Variants in PARD3B observed in about 807,000 individuals in gnomAD.
PARD3B encodes the protein partitioning defective 3 homolog B.
PARD3B carries 103 observed loss-of-function variants against 130.2 expected under a neutral mutation model. The ratio of observed to expected loss-of-function variants is 0.79; its 90% CI spans 0.67 to 0.93. The LOEUF is 0.93. Among genes scored for constraint, PARD3B ranks in the 40% least tolerant of loss-of-function variants. The probability of loss-of-function intolerance (pLI) is 0.00; values close to 1 mark genes in which losing one functional copy is unlikely to be tolerated. For missense variants in PARD3B, 1,609 were observed against 1,499.2 expected (o/e 1.07, Z -1.21); for synonymous variants, 583 against 553.2 (o/e 1.05, Z -0.76).
Position 205,535,277 on chromosome 2 carries a change from G to C in PARD3B, c.3181-18047G>C, listed in dbSNP as rs143776079. On this transcript the variant is annotated intron_variant, in intron 21 of 22. Coordinates refer to ENST00000406610, the MANE Select transcript of PARD3B (RefSeq NM_001302769.2). Reference sequence around the variant, plus strand: ...ACACACACTCCGTCCTTGTGCAGCTGTGCCTTAGAGTTGGCCCCAGTCAAT... The same window carrying C: ...ACACACACTCCGTCCTTGTGCAGCTCTGCCTTAGAGTTGGCCCCAGTCAAT... Among the ~76,000 whole-genome samples the C allele has an allele frequency of 3.3e-4, 50 of 152,296 alleles. 1 individual carries two copies. Among genetic ancestry groups the C allele is most frequent in the Middle Eastern group, 6.8e-3 (2 of 294 alleles).
At chr2:205,471,173 G>C (rs1477500807) in intron 20 of PARD3B, among the ~76,000 whole-genome samples, 1 of 152,036 alleles carries the variant, frequency 6.6e-6, no homozygotes, top group African/African-American at 2.4e-5. Flanking sequence ...CAGTTTCCTA[G>C]ATGTATTGTA....
chr2:205,135,868 A>T (rs1385879846), intron 10 of PARD3B, among the ~76,000 whole-genome samples: 1 of 152,174 alleles, frequency 6.6e-6, no homozygotes, highest in Admixed American at 6.5e-5. Flanking sequence ...CACATCACAT[A>T]CTATTCAATT....
intron 6 of PARD3B, among the ~76,000 whole-genome samples, chr2:205,115,872 A>G (rs2125604606): frequency 6.6e-6 from 1 of 152,346 alleles, no homozygotes; most frequent in East Asian, 1.9e-4. Context: ...ATTTTAAATT[A>G]GAATTTACAT....
chr2:205,057,507 ATGTGTATGTGCATG>A, intron 4 of PARD3B, among the ~76,000 whole-genome samples: 2 of 144,650 alleles, frequency 1.4e-5, no homozygotes, highest in African/African-American at 5.2e-5. Context: ...ATATACATAT[ATGTGTATGTGCATG>A]TGTATATATA....
At position 205,446,965 on chromosome 2, in the gene PARD3B, G is replaced by C. The variant is rs1205027016; in HGVS notation, c.3044+6293G>C. On this transcript the variant is annotated intron_variant, in intron 20 of 22. Transcript: ENST00000406610. The surrounding 1 kb of genome is among the most constrained non-coding windows in gnomAD (Gnocchi z 4.4). ...CACAAATGCAGTTTTGCATTAGTTT[G>C]TGTGACAATTTGACATTCATTTCTA... Among the ~76,000 whole-genome samples the C allele has an allele frequency of 6.6e-6, 1 of 152,180 alleles. No homozygotes were observed. The highest frequency in any genetic ancestry group is 2.4e-5 in the African/African-American group (1 of 41,448).
chr2:205,069,161 A>G (rs1173830108), intron 4 of PARD3B, among the ~76,000 whole-genome samples: 7 of 152,052 alleles, frequency 4.6e-5, no homozygotes, highest in Admixed American at 1.3e-4. Context: ...GTTTTATCTT[A>G]AGTGTGCTGA....
intron 2 of PARD3B, among the ~76,000 whole-genome samples, chr2:204,728,299 G>A (rs890428619): frequency 1.2e-4 from 18 of 152,108 alleles, no homozygotes; most frequent in African/African-American, 3.1e-4. Context: ...TACTACCATA[G>A]TGAACAATGG....
chr2:205,180,201 G>A (rs1411830356), intron 13 of PARD3B, among the ~76,000 whole-genome samples: 3 of 149,946 alleles, frequency 2.0e-5, no homozygotes, highest in Non-Finnish European at 4.4e-5. Flanking sequence ...TACCATACTA[G>A]ATTATAAAAT....
intron 2 of PARD3B, among the ~76,000 whole-genome samples, chr2:204,790,387 C>G (rs1022441160): frequency 6.6e-6 from 1 of 152,186 alleles, no homozygotes; most frequent in African/African-American, 2.4e-5. Flanking sequence ...AGTTAGTTAA[C>G]TCACAGCTCT....
intron 2 of PARD3B, among the ~76,000 whole-genome samples, chr2:204,805,035 T>G (rs991633863): frequency 6.6e-6 from 1 of 151,164 alleles, no homozygotes; most frequent in African/African-American, 2.4e-5. Flanking sequence ...TGTGAAAAAG[T>G]AGAAAAGCAA....
intron 19 of PARD3B, among the ~76,000 whole-genome samples, chr2:205,418,660 A>C (rs2046864041): frequency 6.6e-6 from 1 of 152,168 alleles, no homozygotes; most frequent in Non-Finnish European, 1.5e-5. Context: ...ATTAGAAGAG[A>C]CTTTAAAAAA....
intron 18 of PARD3B, among the ~76,000 whole-genome samples, chr2:205,328,405 A>G (rs1202551048): frequency 6.6e-6 from 1 of 152,130 alleles, no homozygotes; most frequent in East Asian, 1.9e-4. Flanking sequence ...ACCTCATATA[A>G]CCATCACTGA....
At chr2:204,632,134 G>T (rs1403393666) in intron 1 of PARD3B, among the ~76,000 whole-genome samples, 1 of 152,048 alleles carries the variant, frequency 6.6e-6, no homozygotes, top group Non-Finnish European at 1.5e-5. Context: ...TCGCAATCAT[G>T]AGATGTCATG....
At chr2:204,706,927 A>G (rs2038191938) in intron 2 of PARD3B, among the ~76,000 whole-genome samples, 1 of 152,194 alleles carries the variant, frequency 6.6e-6, no homozygotes, top group Non-Finnish European at 1.5e-5. Context: ...CAAATGTACA[A>G]AAAGATAAGA....
chr2:205,215,646 A>G (rs185249845), intron 15 of PARD3B, among the ~76,000 whole-genome samples: 44 of 152,270 alleles, frequency 2.9e-4, no homozygotes, highest in African/African-American at 1.1e-3. Flanking sequence ...GCTGAAATAT[A>G]TATGTTCCAG....
intron 1 of PARD3B, among the ~76,000 whole-genome samples, chr2:204,550,923 G>A (rs115411588): frequency 6.6e-6 from 1 of 152,278 alleles, no homozygotes; most frequent in South Asian, 2.1e-4. Flanking sequence ...AGATTTTAAG[G>A]TTCTTGTATA....
chr2:205,236,992 A>T (rs1460554452), intron 15 of PARD3B, among the ~76,000 whole-genome samples: 1 of 152,248 alleles, frequency 6.6e-6, no homozygotes, highest in Non-Finnish European at 1.5e-5. Context: ...AAAGAGGGAA[A>T]GGAATGGCAC....
intron 16 of PARD3B, among the ~76,000 whole-genome samples, chr2:205,256,462 C>A (rs1240432842): frequency 6.6e-6 from 1 of 152,066 alleles, no homozygotes; most frequent in African/African-American, 2.4e-5. Context: ...CAAACAGTGA[C>A]AATACCATGT....
At chr2:204,652,365 T>C (rs1024957455) in intron 1 of PARD3B, among the ~76,000 whole-genome samples, 11 of 152,136 alleles carry the variant, frequency 7.2e-5, no homozygotes, top group Non-Finnish European at 1.2e-4. Flanking sequence ...CCACCAGATA[T>C]CCTCAATCAT....
Sources: allele counts gnomAD v4.1 joint callset (sites outside exome capture counted in the v4.1 genomes callset), GRCh38; gene constraint gnomAD v4.1.1; non-coding constraint Gnocchi (gnomAD v3.1); transcripts MANE v1.5; gene names NCBI Gene and HGNC (gene_info 2026-07-23, HGNC 2026-07-21).